IMMP2L: variants seen among roughly 807,000 people sequenced by gnomAD.
The protein encoded by IMMP2L is inner mitochondrial membrane peptidase subunit 2.
IMMP2L carries 18 observed loss-of-function variants against 19.3 expected under a neutral mutation model. The ratio of observed to expected loss-of-function variants is 0.93; its 90% CI spans 0.64 to 1.38. The LOEUF (loss-of-function observed/expected upper bound fraction) is 1.38. Ranked by LOEUF, IMMP2L falls within the 40% of genes most tolerant of loss-of-function variation. The probability of loss-of-function intolerance (pLI) is 0.00; values close to 1 mark genes in which losing one functional copy is unlikely to be tolerated. For synonymous variants in IMMP2L, 76 were observed against 73.0 expected (o/e 1.04, Z -0.21); for missense variants, 233 against 218.2 (o/e 1.07, Z -0.43).
intron 3 of IMMP2L, among the ~76,000 whole-genome samples, chr7:111,013,745 T>C (rs1022836555): frequency 6.6e-6 from 1 of 152,148 alleles, no homozygotes; most frequent in East Asian, 1.9e-4. Context: ...TATTATAGAG[T>C]AAAATCTTAA....
intron 3 of IMMP2L, among the ~76,000 whole-genome samples, chr7:111,451,079 T>C (rs1362658420): frequency 6.8e-6 from 1 of 147,588 alleles, no homozygotes; most frequent in East Asian, 1.9e-4. Flanking sequence ...GGAGAGGATG[T>C]GGAGAAATAG....
chr7:111,167,440 T>C (rs772016658), intron 3 of IMMP2L, among the ~76,000 whole-genome samples: 3 of 152,026 alleles, frequency 2.0e-5, no homozygotes, highest in Non-Finnish European at 4.4e-5. Context: ...AAAACCTTGC[T>C]GGTTTACCTG....
intron 3 of IMMP2L, among the ~76,000 whole-genome samples, chr7:111,347,995 G>C (rs1827742684): frequency 6.6e-6 from 1 of 151,876 alleles, no homozygotes; most frequent in African/African-American, 2.4e-5. Flanking sequence ...GTAGGGACAT[G>C]GATGCAGCTG....
intron 3 of IMMP2L, among the ~76,000 whole-genome samples, chr7:111,369,758 T>C (rs1369904428): frequency 6.6e-6 from 1 of 151,938 alleles, no homozygotes; most frequent in Admixed American, 6.6e-5. Context: ...GACTTTGTTC[T>C]TCTCATAAAA....
chr7:110,973,931 C>A (rs1165443127), intron 3 of IMMP2L, among the ~76,000 whole-genome samples: 1 of 152,022 alleles, frequency 6.6e-6, no homozygotes, highest in Non-Finnish European at 1.5e-5. Context: ...ATTATTAAGT[C>A]AAAATGGGGC....
chr7:110,868,856 G>T (rs1808266392), intron 5 of IMMP2L, among the ~76,000 whole-genome samples: 1 of 151,472 alleles, frequency 6.6e-6, no homozygotes, highest in African/African-American at 2.4e-5. Context: ...AAAACAGCCA[G>T]GTTTTAACAG....
intron 4 of IMMP2L, among the ~76,000 whole-genome samples, chr7:110,931,448 C>T (rs1420281728): frequency 6.6e-6 from 1 of 152,128 alleles, no homozygotes; most frequent in Non-Finnish European, 1.5e-5. Flanking sequence ...AACATTTTTT[C>T]ACCATGTATT....
At position 111,269,352 on chromosome 7, in the gene IMMP2L, A is replaced by G. The variant is rs116501752; in HGVS notation, c.239+217886T>C. Reference sequence around the variant, plus strand: ...ATATAGAAAGACATTATTCATATGGAAAGACTGAACAAATGATAGAATTTT... The same window carrying G: ...ATATAGAAAGACATTATTCATATGGGAAGACTGAACAAATGATAGAATTTT... On this transcript the variant is annotated intron_variant, in intron 3 of 5. Transcript: ENST00000405709. Among the ~76,000 whole-genome samples the G allele has an allele frequency of 9.1e-3, 1,392 of 152,292 alleles. 22 individuals carry two copies. Among genetic ancestry groups the G allele is most frequent in the African/African-American group, 0.032 (1,317 of 41,568 alleles).
rs565945158 is a variant in IMMP2L, at chr7:111,281,563, T to C, written c.239+205675A>G. ...AACACTAAGTACCCAACAGAGACAC[T>C]TGGGAGGCATAGTAAACTTCACAGA... On this transcript the variant is annotated intron_variant, in intron 3 of 5. Coordinates refer to ENST00000405709, the MANE Select transcript of IMMP2L (RefSeq NM_032549.4). Among the ~76,000 whole-genome samples the C allele has an allele frequency of 2.0e-5, 3 of 152,250 alleles. No homozygotes were observed. In the South Asian group the frequency reaches 6.2e-4, roughly 32 times the overall value.
chr7:110,721,311 A>G (rs2130767751), intron 5 of IMMP2L, among the ~76,000 whole-genome samples: 1 of 152,216 alleles, frequency 6.6e-6, no homozygotes, highest in East Asian at 1.9e-4. Flanking sequence ...TGCATTGCGA[A>G]GTGTTTGGCC....
intron 3 of IMMP2L, among the ~76,000 whole-genome samples, chr7:111,002,766 T>C (rs1427067702): frequency 6.6e-6 from 1 of 152,154 alleles, no homozygotes; most frequent in Non-Finnish European, 1.5e-5. Flanking sequence ...ACTCTGGAAA[T>C]CATCCTGATG....
chr7:111,083,328 G>C (rs953543776), intron 3 of IMMP2L, among the ~76,000 whole-genome samples: 7 of 152,118 alleles, frequency 4.6e-5, no homozygotes, highest in African/African-American at 7.2e-5. Context: ...GAGGAATAAT[G>C]ATTTATAGAT....
intron 3 of IMMP2L, among the ~76,000 whole-genome samples, chr7:111,160,772 A>C (rs1805173352): frequency 6.6e-6 from 1 of 150,466 alleles, no homozygotes; most frequent in African/African-American, 2.4e-5. Flanking sequence ...AAAATGAAGA[A>C]ATATAAAATA....
At chr7:110,967,825 A>G (rs1819710460) in intron 3 of IMMP2L, among the ~76,000 whole-genome samples, 1 of 152,042 alleles carries the variant, frequency 6.6e-6, no homozygotes, top group Non-Finnish European at 1.5e-5. Context: ...TCATGAAAGT[A>G]GAACGAAAAG....
intron 3 of IMMP2L, among the ~76,000 whole-genome samples, chr7:110,978,467 A>G (rs1820923337): frequency 6.6e-6 from 1 of 152,058 alleles, no homozygotes; most frequent in Non-Finnish European, 1.5e-5. Context: ...ACAAAAATAC[A>G]TTGTAATTCC....
intron 5 of IMMP2L, among the ~76,000 whole-genome samples, chr7:110,754,295 TACA>T (rs1168225816): frequency 6.6e-6 from 1 of 152,084 alleles, no homozygotes; most frequent in African/African-American, 2.4e-5. Context: ...ATATGGATGC[TACA>T]ACAAGATGAA....
chr7:110,821,001 T>C (rs967938814), intron 5 of IMMP2L, among the ~76,000 whole-genome samples: 1 of 152,118 alleles, frequency 6.6e-6, no homozygotes, highest in Non-Finnish European at 1.5e-5. Context: ...TGTAAAAATA[T>C]CTAATATACA....
intron 3 of IMMP2L, among the ~76,000 whole-genome samples, chr7:111,273,551 T>C (rs914371473): frequency 1.3e-5 from 2 of 152,132 alleles, no homozygotes; most frequent in Non-Finnish European, 2.9e-5. Context: ...GGGGTCATCA[T>C]GAACAAAGCA....
intron 3 of IMMP2L, among the ~76,000 whole-genome samples, chr7:111,395,206 G>C (rs1156527160): frequency 1.3e-5 from 2 of 152,166 alleles, no homozygotes; most frequent in African/African-American, 4.8e-5. Flanking sequence ...GACAGAGCAG[G>C]TGTGGCCAAT....
Sources: gnomAD v4.1 joint callset for allele counts (sites outside exome capture counted in the v4.1 genomes callset) on GRCh38, gnomAD v4.1.1 for gene constraint, MANE v1.5 for transcripts, NCBI Gene and HGNC (gene_info 2026-07-23, HGNC 2026-07-21) for gene names.